The following DAPK2 variants were observed in gnomAD, a reference collection of about 807,000 sequenced individuals.
The protein encoded by DAPK2 is death-associated protein kinase 2.
A neutral mutation model predicts 44.1 loss-of-function variants in DAPK2; 35 were observed. The ratio of observed to expected loss-of-function variants is 0.79; its 90% confidence interval spans 0.61 to 1.05. The LOEUF is 1.05. Among genes scored for constraint, DAPK2 ranks in the 50% least tolerant of loss-of-function variants. The probability of loss-of-function intolerance (pLI) is 0.00; values close to 1 mark genes in which losing one functional copy is unlikely to be tolerated. For synonymous variants in DAPK2, 174 were observed against 182.6 expected (o/e 0.95, Z 0.38); for missense variants, 453 against 483.2 (o/e 0.94, Z 0.59).
chr15:63,974,635 G>T (rs2140775530), intron 2 of DAPK2, among the ~76,000 whole-genome samples: 1 of 152,212 alleles, frequency 6.6e-6, no homozygotes, highest in East Asian at 1.9e-4. Flanking sequence ...GGCAATAGAT[G>T]GCAAATGTTT....
intron 2 of DAPK2, among the ~76,000 whole-genome samples, chr15:63,977,858 G>C (rs1452039754): frequency 1.3e-5 from 2 of 152,192 alleles, no homozygotes; most frequent in African/African-American, 4.8e-5. Flanking sequence ...CTCAGCCCCA[G>C]TTCACCATGT....
At chr15:64,038,342 T>C (rs433902) in intron 1 of DAPK2, among the ~76,000 whole-genome samples, 125,235 of 152,196 alleles carry the variant, frequency 0.82, 51,829 homozygotes, top group East Asian at 0.92. Context: ...GAATCAAGCA[T>C]CATTGGCAGG....
At chr15:63,983,452 T>C (rs901061763) in intron 2 of DAPK2, 81 bp downstream of exon 3, 35 of 1,360,358 alleles carry the variant, frequency 2.6e-5, no homozygotes, top group Non-Finnish European at 5.2e-6. Context: ...TGCTGCCCCC[T>C]GGGGCCTGTG....
intron 1 of DAPK2, among the ~76,000 whole-genome samples, chr15:64,007,632 T>C (rs1017265427): frequency 6.6e-6 from 1 of 152,234 alleles, no homozygotes; most frequent in African/African-American, 2.4e-5. Context: ...AGTTACCTGA[T>C]GCCTGCAGTT....
chr15:63,925,676 GCGCACACACACACACACA>G (rs1266079946), intron 7 of DAPK2, among the ~76,000 whole-genome samples: 1 of 51,324 alleles, frequency 1.9e-5, no homozygotes, highest in African/African-American at 6.0e-5. Flanking sequence ...CTGACTTGTA[GCGCACACACACACACACA>G]CACACACACA....
intron 1 of DAPK2, among the ~76,000 whole-genome samples, chr15:64,035,769 A>G (rs1247232874): frequency 6.6e-6 from 1 of 152,208 alleles, no homozygotes; most frequent in Non-Finnish European, 1.5e-5. Context: ...CAGCATCCCA[A>G]ACAGGCTGGT....
chr15:63,961,667 G>GC (rs1212649568), intron 3 of DAPK2, among the ~76,000 whole-genome samples: 3 of 152,104 alleles, frequency 2.0e-5, no homozygotes, highest in African/African-American at 7.2e-5. Context: ...TTGAATATTG[G>GC]CCCCCACTCT....
intron 1 of DAPK2, among the ~76,000 whole-genome samples, chr15:63,995,852 G>C (rs985894772): frequency 6.6e-6 from 1 of 152,236 alleles, no homozygotes; most frequent in Non-Finnish European, 1.5e-5. Context: ...GACCCCTTTA[G>C]AGAGGCAAAG....
At chr15:64,006,429 T>A (rs2079232042) in intron 1 of DAPK2, among the ~76,000 whole-genome samples, 2 of 152,104 alleles carry the variant, frequency 1.3e-5, no homozygotes, top group African/African-American at 4.8e-5. Context: ...ATACAGTATA[T>A]GTCAGCCCTT....
intron 3 of DAPK2, among the ~76,000 whole-genome samples, chr15:63,956,648 G>A (rs1362014558): frequency 6.6e-5 from 10 of 151,300 alleles, no homozygotes; most frequent in Admixed American, 2.0e-4. Flanking sequence ...GTGCAGTGGC[G>A]CAATCTCAGC....
chr15:63,940,114 G>T (rs112479057), intron 3 of DAPK2, among the ~76,000 whole-genome samples: 1 of 152,154 alleles, frequency 6.6e-6, no homozygotes, highest in Admixed American at 6.5e-5. Flanking sequence ...GGCTGCAATG[G>T]AATCCTGAGC....
chr15:63,945,261 G>A (rs2077419355), intron 3 of DAPK2, among the ~76,000 whole-genome samples: 8 of 152,190 alleles, frequency 5.3e-5, no homozygotes. Flanking sequence ...TAAGCTGTAG[G>A]CTGTCTCTCA....
chr15:63,941,636 A>G (rs971359940), intron 3 of DAPK2, among the ~76,000 whole-genome samples: 21 of 150,174 alleles, frequency 1.4e-4, no homozygotes, highest in African/African-American at 5.0e-4. Context: ...TCCTTTTTTT[A>G]AAAAAAATAA....
intron 1 of DAPK2, among the ~76,000 whole-genome samples, chr15:64,008,544 G>C (rs2079300524): frequency 6.6e-6 from 1 of 152,206 alleles, no homozygotes; most frequent in Non-Finnish European, 1.5e-5. Context: ...AACAAGCTAA[G>C]CATTCTCCAC....
intron 3 of DAPK2, among the ~76,000 whole-genome samples, chr15:63,944,244 C>A (rs1001964220): frequency 6.6e-6 from 1 of 152,136 alleles, no homozygotes; most frequent in African/African-American, 2.4e-5. Context: ...AGGTTCTCGT[C>A]CCTACCTTCA....
At chr15:63,927,092 T>C (rs199941758) in intron 6 of DAPK2, among the ~76,000 whole-genome samples, 1 of 152,212 alleles carries the variant, frequency 6.6e-6, no homozygotes, top group East Asian at 1.9e-4. Context: ...ATCTGCAAAA[T>C]GAAGAAAATA....
intron 2 of DAPK2, 80 bp downstream of exon 3, chr15:63,983,452 TG>T: frequency 1.5e-6 from 2 of 1,360,474 alleles, no homozygotes; most frequent in Non-Finnish European, 2.1e-6. Flanking sequence ...TGCTGCCCCC[TG>T]GGGCCTGTGG....
intron 3 of DAPK2, among the ~76,000 whole-genome samples, chr15:63,948,762 A>G (rs1366596290): frequency 6.6e-6 from 1 of 152,174 alleles, no homozygotes; most frequent in Non-Finnish European, 1.5e-5. Flanking sequence ...TTTACAAAGG[A>G]GTCACATGTG....
chr15:63,965,881 A>G (rs932008317), intron 3 of DAPK2, among the ~76,000 whole-genome samples: 1 of 152,112 alleles, frequency 6.6e-6, no homozygotes, highest in African/African-American at 2.4e-5. Context: ...GGGTAGGTCC[A>G]GAAATGCTGT....
Sources: gnomAD v4.1 joint callset for allele counts (sites outside exome capture counted in the v4.1 genomes callset) on GRCh38, gnomAD v4.1.1 for gene constraint, MANE v1.5 for transcripts, NCBI Gene and HGNC (gene_info 2026-07-23, HGNC 2026-07-21) for gene names.